The following ANKRD17 variants were observed in gnomAD, a reference collection of about 807,000 sequenced individuals.
ANKRD17 encodes ankyrin repeat domain 17.
Under a neutral mutation model 229.7 loss-of-function variants are expected in ANKRD17, and 19 were observed. That is an observed-to-expected ratio of 0.08 (90% CI 0.06 to 0.12). ANKRD17 has a LOEUF of 0.12. Among genes scored for constraint, ANKRD17 ranks in the 10% least tolerant of loss-of-function variants. ANKRD17 has a pLI of 1.00. For synonymous variants in ANKRD17, 1,112 were observed against 1,146.1 expected, an observed-to-expected ratio of 0.97 and a Z score of 0.60; for missense variants, 2,176 against 3,176.8, an observed-to-expected ratio of 0.68 and a Z score of 7.57.
chr4:73,165,138 AC>A (rs1560632755), intron 2 of ANKRD17, among the ~76,000 whole-genome samples: 2 of 152,214 alleles, frequency 1.3e-5, no homozygotes, highest in East Asian at 3.9e-4. Context: ...GAACTAACTA[AC>A]TTATAGAACA....
At chr4:73,219,410 G>GT (rs1489534567) in intron 1 of ANKRD17, among the ~76,000 whole-genome samples, 5 of 152,122 alleles carry the variant, frequency 3.3e-5, no homozygotes, top group African/African-American at 1.2e-4. Context: ...AATTTTTATG[G>GT]TAAATAGCAA....
chr4:73,136,805 C>T (rs923310879), intron 15 of ANKRD17, among the ~76,000 whole-genome samples: 1 of 151,850 alleles, frequency 6.6e-6, no homozygotes, highest in African/African-American at 2.4e-5. Flanking sequence ...AATAAAACTG[C>T]TAAATACAAA....
chr4:73,172,496 A>G (rs1207714897), intron 2 of ANKRD17, among the ~76,000 whole-genome samples: 2 of 152,218 alleles, frequency 1.3e-5, no homozygotes, highest in Non-Finnish European at 2.9e-5. Flanking sequence ...GACTGATAAT[A>G]TTAACTACAG....
chr4:73,136,573 G>A (rs1728920946), intron 15 of ANKRD17, among the ~76,000 whole-genome samples: 2 of 151,818 alleles, frequency 1.3e-5, no homozygotes, highest in Non-Finnish European at 2.9e-5. Context: ...ACAAAACACT[G>A]TTTGAATCCT....
intron 15 of ANKRD17, among the ~76,000 whole-genome samples, chr4:73,137,071 T>C (rs1265988575): frequency 6.6e-6 from 1 of 151,330 alleles, no homozygotes; most frequent in African/African-American, 2.4e-5. Flanking sequence ...CATCATTTCC[T>C]TCGGGGTACC....
chr4:73,160,135 G>A (rs1226078904), intron 3 of ANKRD17, among the ~76,000 whole-genome samples: 1 of 151,434 alleles, frequency 6.6e-6, no homozygotes, highest in African/African-American at 2.4e-5. Context: ...AGCCACCAAC[G>A]GTTGAAAATG....
chr4:73,115,593 A>G (rs2148668633), intron 23 of ANKRD17, among the ~76,000 whole-genome samples: 1 of 152,196 alleles, frequency 6.6e-6, no homozygotes, highest in African/African-American at 2.4e-5. Context: ...CCTGGCCTCA[A>G]GTATTATTTT....
intron 1 of ANKRD17, among the ~76,000 whole-genome samples, chr4:73,226,752 C>T (rs776423709): frequency 5.3e-5 from 8 of 152,058 alleles, no homozygotes; most frequent in Non-Finnish European, 1.2e-4. Flanking sequence ...CTCGCTCTGT[C>T]GCCCAGGCTG....
At chr4:73,119,170 G>A (rs1237538435) in intron 21 of ANKRD17, among the ~76,000 whole-genome samples, 1 of 152,024 alleles carries the variant, frequency 6.6e-6, no homozygotes, top group Non-Finnish European at 1.5e-5. Flanking sequence ...TATAGGCATT[G>A]TCACCACACC....
chr4:73,186,084 A>G (rs1321852161), intron 1 of ANKRD17, among the ~76,000 whole-genome samples: 2 of 152,064 alleles, frequency 1.3e-5, no homozygotes, highest in African/African-American at 2.4e-5. Context: ...AATAAGAAGT[A>G]TTCATAATTG....
At chr4:73,250,117 A>G (rs549738070) in intron 1 of ANKRD17, among the ~76,000 whole-genome samples, 1 of 152,254 alleles carries the variant, frequency 6.6e-6, no homozygotes, top group East Asian at 1.9e-4. Context: ...TTCACCCTAC[A>G]TTATACTAAG....
At chr4:73,197,022 T>C (rs1270553541) in intron 1 of ANKRD17, among the ~76,000 whole-genome samples, 1 of 152,114 alleles carries the variant, frequency 6.6e-6, no homozygotes, top group East Asian at 1.9e-4. Context: ...ATTTATTTGG[T>C]TAATGATAGT....
intron 8 of ANKRD17, among the ~76,000 whole-genome samples, chr4:73,148,569 C>A (rs1365164152): frequency 6.6e-6 from 1 of 152,126 alleles, no homozygotes; most frequent in Non-Finnish European, 1.5e-5. Flanking sequence ...CTTGCCAACA[C>A]CAGTTCTGTT....
intron 1 of ANKRD17, among the ~76,000 whole-genome samples, chr4:73,209,040 A>G (rs1217149374): frequency 6.6e-6 from 1 of 151,994 alleles, no homozygotes; most frequent in East Asian, 1.9e-4. Context: ...ACTCCCCTCT[A>G]CTAAAAAATA....
At chr4:73,105,043 G>A (rs763360000) in intron 24 of ANKRD17, among the ~76,000 whole-genome samples, 3 of 152,112 alleles carry the variant, frequency 2.0e-5, no homozygotes, top group Non-Finnish European at 1.5e-5. Context: ...TAAAGCCGGC[G>A]TTTTGATAAT....
In ANKRD17 at chr4:73,157,459, C is replaced by A. The variant is rs190230968; in HGVS notation, c.705-1293G>T. Among the ~76,000 whole-genome samples, 85 of 152,216 alleles carry A rather than the reference C, an allele frequency of 5.6e-4. No individual in the cohort carries two copies. The East Asian group carries it at 0.016, about 29-fold the overall frequency. On this transcript the variant is annotated intron_variant, in intron 3 of 33. Coordinates refer to ENST00000358602, the MANE Select transcript of ANKRD17 (RefSeq NM_032217.5). ...AAAAGTGTATGCCCCATAAACTTCC[C>A]AAAACAATTCCAATTGTAGACATTT...
chr4:73,125,359 T>C (rs1397295628), intron 16 of ANKRD17, 47 bp from the exon 17 acceptor site: 1 of 1,278,440 alleles, frequency 7.8e-7, no homozygotes, highest in East Asian at 2.4e-5. Flanking sequence ...ACTTAAGATG[T>C]TAATATCAAA....
At chr4:73,185,580 T>G (rs889074248) in intron 1 of ANKRD17, among the ~76,000 whole-genome samples, 1 of 152,068 alleles carries the variant, frequency 6.6e-6, no homozygotes, top group African/African-American at 2.4e-5. Flanking sequence ...TTTTTCTAAA[T>G]TTTTCTTTTA....
chr4:73,115,782 G>A (rs777179080), intron 23 of ANKRD17, 39 bp downstream of exon 23: 24 of 1,473,990 alleles, frequency 1.6e-5, no homozygotes, highest in South Asian at 4.7e-5. Context: ...TATATTAACC[G>A]AATAGAGTCC....
Sources: allele counts gnomAD v4.1 joint callset (sites outside exome capture counted in the v4.1 genomes callset), GRCh38; gene constraint gnomAD v4.1.1; transcripts MANE v1.5; gene names NCBI Gene and HGNC (gene_info 2026-07-23, HGNC 2026-07-21).